Variants in CEP350 observed in about 807,000 individuals in gnomAD.
CEP350 encodes centrosome-associated protein 350.
In CEP350, 126 loss-of-function variants were observed where a neutral mutation model predicts 331.8. That is an observed-to-expected ratio of 0.38 (90% CI 0.33 to 0.44). CEP350 has a LOEUF of 0.44. Among genes scored for constraint, CEP350 ranks in the 20% least tolerant of loss-of-function variants. The pLI, the probability that CEP350 is intolerant of heterozygous loss-of-function variation, is 1.00. For missense variants in CEP350, 3,406 were observed against 3,634.6 expected (o/e 0.94, Z 1.62); for synonymous variants, 1,200 against 1,259.5 (o/e 0.95, Z 1.00).
intron 37 of CEP350, among the ~76,000 whole-genome samples, chr1:180,103,503 T>C: frequency 6.6e-6 from 1 of 152,222 alleles, no homozygotes; most frequent in Non-Finnish European, 1.5e-5. Flanking sequence ...TTCTGACCTC[T>C]CGTTGCTTTT....
At chr1:179,982,836 G>A (rs1652378582) in intron 1 of CEP350, among the ~76,000 whole-genome samples, 1 of 152,186 alleles carries the variant, frequency 6.6e-6, no homozygotes, top group Admixed American at 6.5e-5. Context: ...CTGTTGCAAG[G>A]CTGGAGTCTT....
At chr1:180,032,824 C>T (rs1363348474) in intron 15 of CEP350, among the ~76,000 whole-genome samples, 1 of 151,934 alleles carries the variant, frequency 6.6e-6, no homozygotes, top group African/African-American at 2.4e-5. Flanking sequence ...ACTTTGTTTT[C>T]TTTGATGTTG....
chr1:179,994,262 C>T (rs991296921), intron 5 of CEP350, among the ~76,000 whole-genome samples: 4 of 151,918 alleles, frequency 2.6e-5, no homozygotes, highest in African/African-American at 4.8e-5. Context: ...GGACATGGTA[C>T]GTAACCTAAC....
Position 179,990,641 on chromosome 1 carries a change from C to A in CEP350, c.235+20C>A. On this transcript the variant is annotated intron_variant, in intron 4 of 37. Transcript: ENST00000367607. ...GAAAAGGTATGTATGAAGTTACTTC[C>A]AAATATATACATATATTAAATATAA... 1 of 1,238,632 alleles carries A rather than the reference C, an allele frequency of 8.1e-7. No individual in the cohort carries two copies. Among genetic ancestry groups the A allele is most frequent in the East Asian group, 2.5e-5 (1 of 39,230 alleles). The allele number at this position is 1,238,632 out of a possible 1,614,324, so 76.7% of individuals were successfully genotyped here. A position where few individuals can be genotyped will look rare whatever the true frequency, so the allele number is the denominator to read the frequency against.
At chr1:180,013,466 G>C (rs572511974) in intron 9 of CEP350, among the ~76,000 whole-genome samples, 1 of 152,236 alleles carries the variant, frequency 6.6e-6, no homozygotes, top group Admixed American at 6.5e-5. Context: ...CCACTAAAAA[G>C]ATTGTTGACC....
chr1:180,069,404 C>A (rs867576826), intron 27 of CEP350, among the ~76,000 whole-genome samples: 4 of 152,234 alleles, frequency 2.6e-5, no homozygotes, highest in African/African-American at 7.2e-5. Flanking sequence ...CAAGAGAAGG[C>A]TTTTGATATT....
chr1:180,009,611 A>AT (rs1282740726), intron 8 of CEP350, among the ~76,000 whole-genome samples: 2 of 152,344 alleles, frequency 1.3e-5, no homozygotes, highest in Non-Finnish European at 2.9e-5. Context: ...ACCACTCAGC[A>AT]TATTCAGATG....
chr1:180,032,341 T>C (rs1322117655), intron 15 of CEP350, among the ~76,000 whole-genome samples: 1 of 152,150 alleles, frequency 6.6e-6, no homozygotes, highest in Non-Finnish European at 1.5e-5. Flanking sequence ...TTACAAATAA[T>C]TTTGCATCAT....
At chr1:179,990,938 A>G (rs925677380) in intron 4 of CEP350, among the ~76,000 whole-genome samples, 5 of 152,266 alleles carry the variant, frequency 3.3e-5, no homozygotes, top group Admixed American at 2.0e-4. Flanking sequence ...CTTTTTTGTC[A>G]GAGACACTGG....
intron 5 of CEP350, among the ~76,000 whole-genome samples, chr1:179,994,876 T>C (rs1215522886): frequency 6.6e-6 from 1 of 152,218 alleles, no homozygotes; most frequent in Non-Finnish European, 1.5e-5. Flanking sequence ...CACGCTCATA[T>C]GATCTCAGTA....
intron 7 of CEP350, 56 bp downstream of exon 7, chr1:180,003,343 T>A: frequency 9.1e-7 from 1 of 1,095,116 alleles, no homozygotes; most frequent in South Asian, 1.5e-5. Flanking sequence ...CTATCTAATT[T>A]ATAATATTTA....
chr1:180,104,716 A>C (rs1285109062), intron 37 of CEP350, among the ~76,000 whole-genome samples: 2 of 152,202 alleles, frequency 1.3e-5, no homozygotes, highest in East Asian at 1.9e-4. Context: ...AATATGTATT[A>C]AGTGGCATCT....
intron 29 of CEP350, among the ~76,000 whole-genome samples, chr1:180,078,949 A>G (rs1374118070): frequency 1.3e-5 from 2 of 152,212 alleles, no homozygotes; most frequent in African/African-American, 4.8e-5. Context: ...TAGGAACAAC[A>G]CAAGTTCTTT....
chr1:180,057,293 G>A (rs925923613), intron 25 of CEP350, among the ~76,000 whole-genome samples: 1 of 151,626 alleles, frequency 6.6e-6, no homozygotes, highest in Admixed American at 6.6e-5. Context: ...TAGAGACGGG[G>A]TTTCACCATG....
At chr1:180,021,609 G>A (rs138377026) in intron 12 of CEP350, among the ~76,000 whole-genome samples, 4,555 of 151,936 alleles carry the variant, frequency 0.03, 119 homozygotes, top group South Asian at 0.07. Context: ...AGTGAGCTGA[G>A]ATCATGCCAC....
At chr1:180,103,702 T>G (rs1487599870) in intron 37 of CEP350, among the ~76,000 whole-genome samples, 2 of 152,064 alleles carry the variant, frequency 1.3e-5, no homozygotes, top group Non-Finnish European at 2.9e-5. Context: ...TGGAAAATTC[T>G]CAGCTATTGT....
At position 180,095,907 on chromosome 1, in the gene CEP350, A is replaced by T. The variant is rs749840545; in HGVS notation, c.8896A>T (p.Thr2966Ser). The T allele has an allele frequency of 2.5e-6, 4 of 1,604,978 alleles. No individual in the cohort carries two copies. The highest frequency in any genetic ancestry group is 3.4e-6 in the Non-Finnish European group (4 of 1,176,756). ...CAGTAAAGGTCTAGATATAGAAAGC[A>T]CTAGTAAAAGGGTCTACAAACAGGT... ...CASKGLDIES[T>S]SKRVYKQAVF... The change falls in exon 35 of 38, where the codon ACT becomes TCT. Residue 2966 changes from threonine to serine, a missense_variant. Thr to Ser is a moderately conservative substitution (Grantham distance 58). Around this residue, in one of 5 missense-constraint regions of CEP350, gnomAD observed 1,415 missense variants for 1,512.3 expected, o/e 0.94. Transcript: ENST00000367607.
rs115232141 is a variant in CEP350 at position 180,076,867 on chromosome 1, A to G, written c.5768-1596A>G. Among the ~76,000 whole-genome samples the G allele has an allele frequency of 6.4e-3, 979 of 152,308 alleles. 4 individuals carry two copies. Among genetic ancestry groups the G allele is most frequent in the South Asian group, 8.1e-3 (39 of 4,830 alleles). On this transcript the variant is annotated intron_variant, in intron 28 of 37. Coordinates refer to ENST00000367607, the MANE Select transcript of CEP350 (RefSeq NM_014810.5). ...CAGATCATAGTAGCCATAGAAAGGA[A>G]CTTTCTTTACCTGATAAAAGGTATT...
chr1:180,067,425 A>ACGCCTGTAATCCCAGCATTTTGGGAGGC (rs1658608044), intron 27 of CEP350, among the ~76,000 whole-genome samples: 1 of 152,256 alleles, frequency 6.6e-6, no homozygotes, highest in Non-Finnish European at 1.5e-5. Flanking sequence ...CTGGTGGCTC[A>ACGCCTGTAATCCCAGCATTTTGGGAGGC]CGCCTGTAAT....
Sources: allele counts gnomAD v4.1 joint callset (sites outside exome capture counted in the v4.1 genomes callset), GRCh38; gene constraint gnomAD v4.1.1; regional missense constraint gnomAD v4.1.1; transcripts MANE v1.5; gene names NCBI Gene and HGNC (gene_info 2026-07-23, HGNC 2026-07-21).